Variants in KANK3 observed in about 807,000 individuals in gnomAD.
KANK3 encodes KN motif and ankyrin repeat domain-containing protein 3.
In KANK3, 61 loss-of-function variants were observed where a neutral mutation model predicts 65.4. The ratio of observed to expected loss-of-function variants is 0.93; its 90% CI spans 0.76 to 1.15. KANK3 has a LOEUF of 1.15. KANK3 is among the 50% of genes most tolerant of loss of function. The probability of loss-of-function intolerance (pLI) is 0.00; values close to 1 mark genes in which losing one functional copy is unlikely to be tolerated. For synonymous variants in KANK3, 586 were observed against 543.3 expected, an observed-to-expected ratio of 1.08 and a Z score of -1.09; for missense variants, 1,187 against 1,178.8, an observed-to-expected ratio of 1.01 and a Z score of -0.10.
intron 7 of KANK3, among the ~76,000 whole-genome samples, chr19:8,330,944 TC>T (rs1177621233): frequency 6.6e-6 from 1 of 151,652 alleles, no homozygotes; most frequent in Non-Finnish European, 1.5e-5. Flanking sequence ...ATGCTTGTAA[TC>T]CCAGCACTTT....
At chr19:8,338,357 G>C (rs1434941266) in intron 1 of KANK3, among the ~76,000 whole-genome samples, 1 of 152,022 alleles carries the variant, frequency 6.6e-6, no homozygotes, top group Admixed American at 6.6e-5. Flanking sequence ...ATGATCCCCA[G>C]GTGTCAGATG....
In KANK3 at chr19:8,333,155, T is replaced by G; in HGVS notation, c.1795A>C (p.Arg599=). 1 of 1,613,048 alleles carries G rather than the reference T, an allele frequency of 6.2e-7. No homozygotes were observed. Among genetic ancestry groups the G allele is most frequent in the Non-Finnish European group, 8.5e-7 (1 of 1,179,918 alleles). ...AGGCGCCTCACCCCTTCCAGCATCC[T>G]GGCCACGGGCTCCGCCTGAGAGCGC... ...QRRSQAEPVA[R]MLEGVRRLGP... is the part of the protein sequence containing the mutation. Residue 599 remains arginine (R), a synonymous_variant, in exon 7 of 11, where the codon AGG becomes CGG. Coordinates refer to ENST00000330915, the MANE Select transcript of KANK3 (RefSeq NM_198471.3). The surrounding 1 kb of genome is among the most constrained non-coding windows in gnomAD (Gnocchi z 5.0).
chr19:8,333,257 A>C lies in KANK3; in HGVS notation c.1720-27T>G. 4 of 1,565,002 alleles carry C rather than the reference A, an allele frequency of 2.6e-6. No homozygotes were observed. The highest frequency in any genetic ancestry group is 3.5e-6 in the Non-Finnish European group (4 of 1,146,324). ...TGCAAGGGACAGGGGCCAAGATAAC[A>C]TCGGCGATGGTCCACGGCGGCGCCG... On this transcript the variant is annotated intron_variant, in intron 6 of 10. Coordinates refer to ENST00000330915, the MANE Select transcript of KANK3 (RefSeq NM_198471.3). The surrounding 1 kb of genome is among the most constrained non-coding windows in gnomAD (Gnocchi z 5.0).
chr19:8,325,582 A>C (rs1180312473), intron 7 of KANK3, among the ~76,000 whole-genome samples: 1 of 151,922 alleles, frequency 6.6e-6, no homozygotes, highest in East Asian at 1.9e-4. Flanking sequence ...GCTATTTCAA[A>C]TCAAGTCCCT....
intron 1 of KANK3, among the ~76,000 whole-genome samples, chr19:8,338,603 C>T (rs374364001): frequency 3.4e-4 from 51 of 151,640 alleles, no homozygotes; most frequent in African/African-American, 9.7e-4. Context: ...AGGCTGGGCG[C>T]GGTGGCTCAC....
Position 8,334,941 on chromosome 19 carries a change from C to A in KANK3, c.886G>T (p.Gly296Trp). The A allele has an allele frequency of 6.7e-7, 1 of 1,487,758 alleles. No individual in the cohort carries two copies. The highest frequency in any genetic ancestry group is 2.3e-5 in the Admixed American group (1 of 43,578). 92.2% of individuals were successfully genotyped at this position (1,487,758 alleles called of 1,614,324 possible). A position where few individuals can be genotyped will look rare whatever the true frequency, so the allele number is the denominator to read the frequency against. The change falls in exon 3 of 11, where the codon GGG becomes TGG. Residue 296 changes from glycine (G) to tryptophan (W), a missense_variant. This residue lies in a region of KANK3 where 1,078 missense variants were observed against 1,038.2 expected (regional missense o/e 1.04). Transcript: ENST00000330915. ...VLDGEVGSLD[G>W]TPQTREVAAE... ...GCCACCTCCCGGGTCTGGGGCGTCC[C>A]ATCGAGACTCCCGACCTCCCCGTCG...
intron 1 of KANK3, among the ~76,000 whole-genome samples, chr19:8,342,469 A>T (rs1599656299): frequency 6.6e-6 from 1 of 150,566 alleles, no homozygotes; most frequent in Admixed American, 6.6e-5. Flanking sequence ...TGTGCCTGAG[A>T]CCCCCTCATT....
chr19:8,338,378 G>A (rs541180524), intron 1 of KANK3, among the ~76,000 whole-genome samples: 1 of 152,082 alleles, frequency 6.6e-6, no homozygotes, highest in Admixed American at 6.6e-5. Context: ...TCAGCCTGCT[G>A]GGCAGGAGGA....
chr19:8,333,862 G>A lies in KANK3; in HGVS notation c.1634+48C>T, dbSNP rs748181101. ...ATGGATCGGGGACAGCGCCGACCAG[G>A]AGGAGGGCAGCCGCCTCCTCTCCAA... On this transcript the variant is annotated intron_variant, in intron 5 of 10. Transcript: ENST00000330915. This position sits in a 1 kb window ranked among gnomAD's most constrained non-coding sequence, Gnocchi z 5.0. The A allele has an allele frequency of 9.0e-6, 14 of 1,550,506 alleles. No individual in the cohort carries two copies. The Admixed American group carries it at 2.5e-4, about 28-fold the overall frequency.
chr19:8,326,233 C>G (rs1291968251), intron 7 of KANK3, among the ~76,000 whole-genome samples: 1 of 151,938 alleles, frequency 6.6e-6, no homozygotes, highest in Non-Finnish European at 1.5e-5. Flanking sequence ...AGTTCGAGAC[C>G]AGCCTGGCCA....
intron 7 of KANK3, among the ~76,000 whole-genome samples, chr19:8,330,963 C>T (rs896616447): frequency 6.6e-6 from 1 of 151,428 alleles, no homozygotes; most frequent in African/African-American, 2.4e-5. Flanking sequence ...TTTGGGAGGC[C>T]GAGGCAGGCA....
chr19:8,324,639 G>A lies in KANK3; in HGVS notation c.2274C>T (p.Ile758=), dbSNP rs763385894. 5 of 1,614,026 alleles carry A rather than the reference G, an allele frequency of 3.1e-6. No individual in the cohort carries two copies. The highest frequency in any genetic ancestry group is 4.5e-5 in the East Asian group (2 of 44,884). ...LLTQPGCDPA[I]LDNEGTSALA... is the part of the protein sequence containing the mutation. Reference sequence around the variant, plus strand: ...CATTGTGGGGTCTTACATTGTCCAGGATGGCAGGGTCACAGCCTGGCTGGG... The same window carrying A: ...CATTGTGGGGTCTTACATTGTCCAGAATGGCAGGGTCACAGCCTGGCTGGG... Residue 758 remains isoleucine (I), a synonymous_variant, in exon 9 of 11, where the codon ATC becomes ATT. Transcript: ENST00000330915.
chr19:8,340,054 A>G (rs1018937989), intron 1 of KANK3, among the ~76,000 whole-genome samples: 6 of 151,502 alleles, frequency 4.0e-5, no homozygotes, highest in African/African-American at 1.5e-4. Context: ...CCCACATGGA[A>G]AACCTTCAGG....
intron 1 of KANK3, among the ~76,000 whole-genome samples, chr19:8,341,558 GCAC>G (rs1970723623): frequency 6.6e-6 from 1 of 151,998 alleles, no homozygotes; most frequent in Admixed American, 6.6e-5. Flanking sequence ...TTACAGGTGT[GCAC>G]CACCATGCCT....
In KANK3 at chr19:8,324,709, C is replaced by A; in HGVS notation, c.2204G>T (p.Cys735Phe). 1 of 1,614,058 alleles carries A rather than the reference C, an allele frequency of 6.2e-7. No individual in the cohort carries two copies. Among genetic ancestry groups the A allele is most frequent in the Non-Finnish European group, 8.5e-7 (1 of 1,180,034 alleles). ...QDADGATALM[C>F]ASEYGRLDTV... ...GTCCAGGCGCCCATACTCACTGGCA[C>A]ACATCAGCGCTGTGGCCCCATCCGC... Residue 735 changes from cysteine to phenylalanine, a missense_variant, in exon 9 of 11, where the codon TGT becomes TTT. Physicochemically the swap from Cys to Phe is radical, Grantham distance 205. This residue lies in a region of KANK3 where 1,078 missense variants were observed against 1,038.2 expected (regional missense o/e 1.04). Coordinates refer to ENST00000330915, the MANE Select transcript of KANK3 (RefSeq NM_198471.3).
intron 7 of KANK3, among the ~76,000 whole-genome samples, chr19:8,328,380 AC>A (rs2145418610): frequency 7.9e-6 from 1 of 126,926 alleles, no homozygotes; most frequent in African/African-American, 3.0e-5. Flanking sequence ...TTCACTCACC[AC>A]CCCCACCACA....
At chr19:8,340,617 G>A (rs1050551062) in intron 1 of KANK3, among the ~76,000 whole-genome samples, 2 of 152,088 alleles carry the variant, frequency 1.3e-5, no homozygotes, top group East Asian at 1.9e-4. Flanking sequence ...CTGGCTTCTC[G>A]AATCCCTGGG....
In KANK3 at chr19:8,324,679, A is replaced by G; in HGVS notation, c.2234T>C (p.Val745Ala). The change falls in exon 9 of 11, where the codon GTG (valine) becomes GCG (alanine). Residue 745 changes from valine (V) to alanine (A), a missense_variant. Coordinates refer to ENST00000330915, the MANE Select transcript of KANK3 (RefSeq NM_198471.3). ...GCCTGGCTGGGTGAGCAGCAGCCGC[A>G]CGGTGTCCAGGCGCCCATACTCACT... is the stretch of plus-strand genomic sequence containing the variant. Reference protein sequence around the residue: ...CASEYGRLDTVRLLLTQPGCD... With the variant: ...CASEYGRLDTARLLLTQPGCD... 6.2e-7 allele frequency: 1 copy of G among 1,614,020 alleles called. No homozygotes were observed.
chr19:8,341,868 C>T (rs1442002499), intron 1 of KANK3, among the ~76,000 whole-genome samples: 1 of 152,072 alleles, frequency 6.6e-6, no homozygotes, highest in Non-Finnish European at 1.5e-5. Flanking sequence ...CCCTATTGTA[C>T]AGATGGAGAA....
Sources: allele counts gnomAD v4.1 joint callset (sites outside exome capture counted in the v4.1 genomes callset), GRCh38; gene constraint gnomAD v4.1.1; regional missense constraint gnomAD v4.1.1; non-coding constraint Gnocchi (gnomAD v3.1); transcripts MANE v1.5; gene names NCBI Gene and HGNC (gene_info 2026-07-23, HGNC 2026-07-21).